The following ATXN10 variants were observed in gnomAD, a reference collection of about 807,000 sequenced individuals.
ATXN10 encodes the protein ataxin-10.
In ATXN10, 28 loss-of-function variants were observed where a neutral mutation model predicts 52.9. The ratio of observed to expected loss-of-function variants is 0.53; its 90% CI spans 0.39 to 0.73. The LOEUF is 0.73. Among genes scored for constraint, ATXN10 ranks in the 30% least tolerant of loss-of-function variants. The pLI is 0.00. For synonymous variants in ATXN10, 226 were observed against 221.5 expected, an observed-to-expected ratio of 1.02 and a Z score of -0.18; for missense variants, 565 against 577.0, an observed-to-expected ratio of 0.98 and a Z score of 0.21.
At chr22:45,813,128 G>T (rs1416956066) in intron 10 of ATXN10, among the ~76,000 whole-genome samples, 9 of 152,282 alleles carry the variant, frequency 5.9e-5, no homozygotes, top group East Asian at 1.9e-4. Flanking sequence ...TCACTTTTGG[G>T]TCACCCACAG....
rs183679110 is a variant in ATXN10, at chr22:45,839,009, T to C, written c.1238-3982T>C. Among the ~76,000 whole-genome samples the C allele has an allele frequency of 9.2e-5, 14 of 152,334 alleles. No homozygotes were observed. In the East Asian group the frequency reaches 1.2e-3, roughly 13 times the overall value. ...CAGTGGAGCAAACTTCACATCTGCC[T>C]AAGAAGAATGCATAAGGGTTCTACC... On this transcript the variant is annotated intron_variant, in intron 10 of 11. Transcript: ENST00000252934.
chr22:45,821,358 A>AC (rs1289244217), intron 10 of ATXN10, among the ~76,000 whole-genome samples: 1 of 151,812 alleles, frequency 6.6e-6, no homozygotes, highest in Non-Finnish European at 1.5e-5. Flanking sequence ...AAAAAAAAAA[A>AC]AAAAAAAAAC....
chr22:45,714,307 G>A (rs1024022822), intron 5 of ATXN10, among the ~76,000 whole-genome samples: 1 of 151,988 alleles, frequency 6.6e-6, no homozygotes, highest in African/African-American at 2.4e-5. Flanking sequence ...GTATTTTCTA[G>A]ATTAGGGATA....
chr22:45,699,116 T>G (rs1923735108), intron 3 of ATXN10, among the ~76,000 whole-genome samples: 1 of 152,210 alleles, frequency 6.6e-6, no homozygotes, highest in Non-Finnish European at 1.5e-5. Context: ...GTTATTTTAA[T>G]TGAGTTATTG....
intron 9 of ATXN10, among the ~76,000 whole-genome samples, chr22:45,746,250 G>A (rs1925721130): frequency 6.7e-6 from 1 of 150,332 alleles, no homozygotes; most frequent in African/African-American, 2.5e-5. Flanking sequence ...TTGGTGGGGT[G>A]TACTATTTTC....
chr22:45,756,324 T>G (rs1193899880), intron 9 of ATXN10, among the ~76,000 whole-genome samples: 1 of 152,036 alleles, frequency 6.6e-6, no homozygotes, highest in Non-Finnish European at 1.5e-5. Flanking sequence ...TTTAAATTTT[T>G]TGTAGAGATG....
intron 10 of ATXN10, among the ~76,000 whole-genome samples, chr22:45,808,002 G>T (rs1330081342): frequency 6.6e-6 from 1 of 152,206 alleles, no homozygotes; most frequent in African/African-American, 2.4e-5. Flanking sequence ...CTTATTATTT[G>T]TGCTGAAGAT....
rs1389635080 is a variant in ATXN10 at position 45,683,726 on chromosome 22, A to G, written c.117-5986A>G. On this transcript the variant is annotated intron_variant, in intron 1 of 11. Transcript: ENST00000252934. This position sits in a 1 kb window ranked among gnomAD's most constrained non-coding sequence, Gnocchi z 4.8. ...ATCCACCTGGAGTTACTTTTTGGGT[A>G]GTGTAAGTAAGGATCCAATTCAGTT... is the stretch of plus-strand genomic sequence containing the variant. Among the ~76,000 whole-genome samples, 2 of 152,130 alleles carry G rather than the reference A, an allele frequency of 1.3e-5. No individual in the cohort carries two copies. Among genetic ancestry groups the G allele is most frequent in the African/African-American group, 4.8e-5 (2 of 41,400 alleles).
rs543424117 is a variant in ATXN10, at chr22:45,684,029, A to G, written c.117-5683A>G. Among the ~76,000 whole-genome samples, 110 of 152,238 alleles carry G rather than the reference A, an allele frequency of 7.2e-4. No individual in the cohort carries two copies. Among genetic ancestry groups the G allele is most frequent in the African/African-American group, 2.6e-3 (108 of 41,542 alleles). On this transcript the variant is annotated intron_variant, in intron 1 of 11. Coordinates refer to ENST00000252934, the MANE Select transcript of ATXN10 (RefSeq NM_013236.4). This position sits in a 1 kb window ranked among gnomAD's most constrained non-coding sequence, Gnocchi z 4.1. ...TGCAGTGTTGTGATCATAGCTCACC[A>G]TAGCCTTGAACTCCTGGGTTCAAGC...
At chr22:45,714,853 G>A (rs1860163607) in intron 5 of ATXN10, among the ~76,000 whole-genome samples, 3 of 152,090 alleles carry the variant, frequency 2.0e-5, no homozygotes, top group Admixed American at 2.0e-4. Context: ...TGATTTACTT[G>A]GAATTTATGT....
At position 45,843,339 on chromosome 22, in the gene ATXN10, GT is replaced by G. The variant is rs1569086214; in HGVS notation, c.1425+168del. Among the ~76,000 whole-genome samples, 2 of 152,164 alleles carry G rather than the reference GT, an allele frequency of 1.3e-5. No homozygotes were observed. Among genetic ancestry groups the G allele is most frequent in the South Asian group, 4.1e-4 (2 of 4,832 alleles). On this transcript the variant is annotated intron_variant, in intron 11 of 11. Transcript: ENST00000252934. The surrounding 1 kb of genome is among the most constrained non-coding windows in gnomAD (Gnocchi z 4.5). The stretch of plus-strand genomic sequence containing the variant: ...AAAGCCCTAAAGATAGCTGCAAACG[GT>G]TTTTTTGTTCCGGCTTTATGCTGCC...
rs1924186583 is a variant in ATXN10 at position 45,710,062 on chromosome 22, A to C, written c.647+7215A>C. 5.3e-5 allele frequency among the ~76,000 whole-genome samples: 8 copies of C among 152,304 alleles called. 1 individual carries two copies. In the South Asian group the frequency reaches 1.7e-3, roughly 32 times the overall value. ...TTCTGTCTCTCCTTTTGCCCTCTGAATCATCACACAGTAGCCAGAGTGACC... is the reference window on the plus strand; with the variant it reads ...TTCTGTCTCTCCTTTTGCCCTCTGACTCATCACACAGTAGCCAGAGTGACC... On this transcript the variant is annotated intron_variant, in intron 5 of 11. Coordinates refer to ENST00000252934, the MANE Select transcript of ATXN10 (RefSeq NM_013236.4).
rs921363959 is a variant in ATXN10, at chr22:45,842,935, A to C, written c.1238-56A>C. On this transcript the variant is annotated intron_variant, in intron 10 of 11. Transcript: ENST00000252934. This position sits in a 1 kb window ranked among gnomAD's most constrained non-coding sequence, Gnocchi z 4.8. Reference sequence around the variant, plus strand: ...CTCTACTCCTTTTCTGATAATTCTTATGTGAAGTTATCAAACAGGAAAGTA... The same window carrying C: ...CTCTACTCCTTTTCTGATAATTCTTCTGTGAAGTTATCAAACAGGAAAGTA... The C allele has an allele frequency of 6.4e-7, 1 of 1,550,564 alleles. No homozygotes were observed. Among genetic ancestry groups the C allele is most frequent in the African/African-American group, 1.4e-5 (1 of 73,618 alleles).
chr22:45,829,620 C>T (rs1400530141), intron 10 of ATXN10, among the ~76,000 whole-genome samples: 1 of 152,066 alleles, frequency 6.6e-6, no homozygotes, highest in African/African-American at 2.4e-5. Context: ...AAAGCAATTC[C>T]TTTTATAATA....
intron 7 of ATXN10, among the ~76,000 whole-genome samples, chr22:45,735,806 G>A (rs1482785491): frequency 1.1e-5 from 1 of 88,690 alleles, no homozygotes; most frequent in Non-Finnish European, 2.3e-5. Context: ...CCCTTCATTT[G>A]CTTGTCTTTT....
At chr22:45,689,930 G>A (rs766516517) in intron 2 of ATXN10, 27 bp downstream of exon 2, 14 of 1,609,560 alleles carry the variant, frequency 8.7e-6, no homozygotes, top group African/African-American at 1.3e-5. Flanking sequence ...CTTGGATTCT[G>A]TTTCTTTGTA....
At chr22:45,706,448 T>G (rs1924044675) in intron 5 of ATXN10, among the ~76,000 whole-genome samples, 1 of 152,182 alleles carries the variant, frequency 6.6e-6, no homozygotes, top group Admixed American at 6.5e-5. Flanking sequence ...TGCTTTGGGT[T>G]TGGTTTGCTC....
rs1279935029 is a variant in ATXN10, at chr22:45,681,517, T to C, written c.117-8195T>C. On this transcript the variant is annotated intron_variant, in intron 1 of 11. Coordinates refer to ENST00000252934, the MANE Select transcript of ATXN10 (RefSeq NM_013236.4). This position sits in a 1 kb window ranked among gnomAD's most constrained non-coding sequence, Gnocchi z 4.2. Reference sequence around the variant, plus strand: ...CATTCCCATCTTGATCTGGCTTAGATCCATGGATGAGTAATAAGAGCATTT... The same window carrying C: ...CATTCCCATCTTGATCTGGCTTAGACCCATGGATGAGTAATAAGAGCATTT... Among the ~76,000 whole-genome samples the C allele has an allele frequency of 1.3e-5, 2 of 152,188 alleles. No individual in the cohort carries two copies. The highest frequency in any genetic ancestry group is 2.4e-5 in the African/African-American group (1 of 41,448).
In ATXN10 at chr22:45,736,165, T is replaced by G. The variant is rs141326746; in HGVS notation, c.895-2566T>G. ...ATTTTAACGTGGAAAATTTCAAACA[T>G]AGACTAAGAAGAAAGTGTACTTATA... On this transcript the variant is annotated intron_variant, in intron 7 of 11. Transcript: ENST00000252934. Among the ~76,000 whole-genome samples, 60 of 152,236 alleles carry G rather than the reference T, an allele frequency of 3.9e-4. 1 individual carries two copies. The East Asian group carries it at 0.01, about 26-fold the overall frequency.
Sources: allele counts gnomAD v4.1 joint callset (sites outside exome capture counted in the v4.1 genomes callset), GRCh38; gene constraint gnomAD v4.1.1; non-coding constraint Gnocchi (gnomAD v3.1); transcripts MANE v1.5; gene names NCBI Gene and HGNC (gene_info 2026-07-23, HGNC 2026-07-21).